The following ADAMTSL1 variants were observed in gnomAD, a reference collection of about 807,000 sequenced individuals.
ADAMTSL1 encodes ADAMTS like 1, also known as ADAMTS-like protein 1.
A neutral mutation model predicts 201.8 loss-of-function variants in ADAMTSL1; 126 were observed. The ratio of observed to expected loss-of-function variants is 0.62; its 90% CI spans 0.54 to 0.72. The LOEUF is 0.72. Among genes scored for constraint, ADAMTSL1 ranks in the 30% least tolerant of loss-of-function variants. The pLI is 0.00. For synonymous variants in ADAMTSL1, 1,121 were observed against 903.4 expected (o/e 1.24, Z -4.32); for missense variants, 2,679 against 2,277.8 (o/e 1.18, Z -3.59).
chr9:18,636,106 A>G, intron 6 of ADAMTSL1, 89 bp downstream of exon 6: 1 of 1,096,006 alleles, frequency 9.1e-7, no homozygotes, highest in Non-Finnish European at 1.3e-6. Context: ...AAAACACAAG[A>G]ATACAAATCT....
chr9:18,474,398 T>A (rs1821349290), intron 1 of ADAMTSL1, 103 bp downstream of exon 1: 1 of 1,134,496 alleles, frequency 8.8e-7, no homozygotes, highest in Non-Finnish European at 1.3e-6. Flanking sequence ...TGTGTCTTTA[T>A]CTTAAAACTC....
At chr9:18,372,158 T>G (rs1412467591) in intron 2 of ADAMTSL1, among the ~76,000 whole-genome samples, 1 of 152,168 alleles carries the variant, frequency 6.6e-6, no homozygotes, top group Non-Finnish European at 1.5e-5. Context: ...ATAAAATTTG[T>G]CTACCGTACA....
intron 26 of ADAMTSL1, among the ~76,000 whole-genome samples, chr9:18,896,042 C>A (rs942950415): frequency 1.3e-5 from 2 of 151,544 alleles, no homozygotes; most frequent in Non-Finnish European, 2.9e-5. Flanking sequence ...GATAGATAGG[C>A]CAATAAAAAT....
At chr9:18,875,629 G>A (rs959104552) in intron 23 of ADAMTSL1, among the ~76,000 whole-genome samples, 2 of 152,050 alleles carry the variant, frequency 1.3e-5, no homozygotes, top group Admixed American at 1.3e-4. Context: ...ATATAATTTT[G>A]ATTTTCTTAA....
chr9:18,429,674 C>G (rs943868945), intron 2 of ADAMTSL1, among the ~76,000 whole-genome samples: 2 of 152,066 alleles, frequency 1.3e-5, no homozygotes, highest in Non-Finnish European at 2.9e-5. Context: ...TATCATTCCC[C>G]TTTAGAAGGA....
chr9:18,249,876 G>C (rs1831398082), intron 2 of ADAMTSL1, among the ~76,000 whole-genome samples: 1 of 152,106 alleles, frequency 6.6e-6, no homozygotes, highest in Non-Finnish European at 1.5e-5. Flanking sequence ...TCATGGACAG[G>C]GACAGGGTTC....
At chr9:18,278,629 G>C (rs375129542) in intron 2 of ADAMTSL1, among the ~76,000 whole-genome samples, 5 of 152,186 alleles carry the variant, frequency 3.3e-5, no homozygotes, top group Admixed American at 2.6e-4. Context: ...CTCTGTTTCA[G>C]GGAAGATCTT....
At chr9:17,929,100 A>G (rs1158282789) in intron 1 of ADAMTSL1, among the ~76,000 whole-genome samples, 1 of 152,174 alleles carries the variant, frequency 6.6e-6, no homozygotes, top group Non-Finnish European at 1.5e-5. Context: ...TTTTAAAACG[A>G]TGAAGAATAG....
chr9:18,487,284 T>G (rs1345601912), intron 1 of ADAMTSL1, among the ~76,000 whole-genome samples: 4 of 152,228 alleles, frequency 2.6e-5, no homozygotes, highest in African/African-American at 9.6e-5. Context: ...GTGTATAGAA[T>G]TTATTTTCCT....
chr9:18,643,020 A>G (rs973074285), intron 7 of ADAMTSL1, among the ~76,000 whole-genome samples: 12 of 152,020 alleles, frequency 7.9e-5, no homozygotes, highest in African/African-American at 2.9e-4. Context: ...GTTTTCTACA[A>G]TGGCTGAATC....
Position 18,889,601 on chromosome 9 carries a change from G to C in ADAMTSL1, c.4496G>C (p.Cys1499Ser). 6.2e-7 allele frequency: 1 copy of C among 1,613,802 alleles called. No individual in the cohort carries two copies. The highest frequency in any genetic ancestry group is 8.5e-7 in the Non-Finnish European group (1 of 1,179,800). The change falls in exon 25 of 29, where the codon TGC becomes TCC. Residue 1499 changes from cysteine (C) to serine (S), a missense_variant. By Grantham distance (112) the Cys-to-Ser change is moderately radical (BLOSUM62 -1). Coordinates refer to ENST00000380548, the MANE Select transcript of ADAMTSL1 (RefSeq NM_001040272.6). ...TGGTCTGTGGACAGACTGGCAACCT[G>C]CTCAGCCTCCTGTGGTAACCGGGGG... Reference protein sequence around the residue: ...YWWSVDRLATCSASCGNRGVQ... With the variant: ...YWWSVDRLATSSASCGNRGVQ...
intron 2 of ADAMTSL1, among the ~76,000 whole-genome samples, chr9:18,421,604 A>G (rs1009791852): frequency 6.6e-6 from 1 of 152,208 alleles, no homozygotes; most frequent in Non-Finnish European, 1.5e-5. Flanking sequence ...CTCCTGCTCA[A>G]CAGGTCCCCT....
chr9:18,031,275 G>T (rs1483925921), intron 1 of ADAMTSL1, among the ~76,000 whole-genome samples: 1 of 152,116 alleles, frequency 6.6e-6, no homozygotes, highest in Non-Finnish European at 1.5e-5. Flanking sequence ...GGAGGCTGGT[G>T]TTTATTTTCC....
intron 1 of ADAMTSL1, among the ~76,000 whole-genome samples, chr9:18,484,065 G>C (rs1000597199): frequency 2.0e-5 from 3 of 152,184 alleles, no homozygotes; most frequent in Non-Finnish European, 2.9e-5. Context: ...GCACGTCTCT[G>C]AGAAGTGCTA....
At chr9:17,944,437 C>CT (rs573479016) in intron 1 of ADAMTSL1, among the ~76,000 whole-genome samples, 161 of 152,210 alleles carry the variant, frequency 1.1e-3, no homozygotes, top group Non-Finnish European at 1.3e-3. Flanking sequence ...CTACCAAGGA[C>CT]TTTCTTCACA....
At chr9:17,926,485 C>T (rs1168720896) in intron 1 of ADAMTSL1, among the ~76,000 whole-genome samples, 1 of 152,146 alleles carries the variant, frequency 6.6e-6, no homozygotes, top group African/African-American at 2.4e-5. Flanking sequence ...CATCTCAACC[C>T]GCATTTCCAT....
Position 18,659,884 on chromosome 9 carries a change from T to C in ADAMTSL1, c.947-2051T>C, listed in dbSNP as rs370711157. ...TTTTACTAATGACTGGCATAGGAAATAGTTTCAAGGAAAGAATCTAAGGTT... is the reference window on the plus strand; with the variant it reads ...TTTTACTAATGACTGGCATAGGAAACAGTTTCAAGGAAAGAATCTAAGGTT... On this transcript the variant is annotated intron_variant, in intron 8 of 28. Coordinates refer to ENST00000380548, the MANE Select transcript of ADAMTSL1 (RefSeq NM_001040272.6). 2.0e-5 allele frequency among the ~76,000 whole-genome samples: 3 copies of C among 151,390 alleles called. No homozygotes were observed. The East Asian group carries it at 5.8e-4, about 29-fold the overall frequency.
chr9:18,022,864 A>G (rs1211180987), intron 1 of ADAMTSL1, among the ~76,000 whole-genome samples: 2 of 152,118 alleles, frequency 1.3e-5, no homozygotes, highest in African/African-American at 2.4e-5. Context: ...CGGAATAACC[A>G]TGCATGATTT....
intron 2 of ADAMTSL1, among the ~76,000 whole-genome samples, chr9:18,165,835 T>A (rs1827603831): frequency 6.6e-6 from 1 of 151,934 alleles, no homozygotes. Context: ...GTAACTTTAT[T>A]TCCTAAATCA....
Sources: allele counts gnomAD v4.1 joint callset (sites outside exome capture counted in the v4.1 genomes callset), GRCh38; gene constraint gnomAD v4.1.1; transcripts MANE v1.5; gene names NCBI Gene and HGNC (gene_info 2026-07-23, HGNC 2026-07-21).